The following SPIN1 variants were observed in gnomAD, a reference collection of about 807,000 sequenced individuals.
The protein encoded by SPIN1 is spindlin-1.
A neutral mutation model predicts 26.0 loss-of-function variants in SPIN1; 3 were observed. That is an observed-to-expected ratio of 0.12 (90% CI 0.05 to 0.30). The LOEUF (loss-of-function observed/expected upper bound fraction) is 0.30. SPIN1 is among the 10% of genes least tolerant of loss of function. The probability of loss-of-function intolerance (pLI) is 1.00; values close to 1 mark genes in which losing one functional copy is unlikely to be tolerated. For synonymous variants in SPIN1, 101 were observed against 116.5 expected (o/e 0.87, Z 0.86); for missense variants, 126 against 333.4 (o/e 0.38, Z 4.84).
chr9:88,397,762 C>T (rs1487504662), intron 1 of SPIN1, among the ~76,000 whole-genome samples: 1 of 151,938 alleles, frequency 6.6e-6, no homozygotes, highest in Non-Finnish European at 1.5e-5. Context: ...GCTGGGAGTA[C>T]AGGTGCGTGC....
chr9:88,472,522 C>G (rs1828809437), intron 5 of SPIN1, among the ~76,000 whole-genome samples: 1 of 151,944 alleles, frequency 6.6e-6, no homozygotes, highest in South Asian at 2.1e-4. Context: ...GAGATGGAGT[C>G]TTGCTCTGTT....
intron 4 of SPIN1, among the ~76,000 whole-genome samples, chr9:88,466,986 CT>C (rs1828682471): frequency 6.6e-6 from 1 of 152,176 alleles, no homozygotes; most frequent in Non-Finnish European, 1.5e-5. Context: ...ATTCGCCCGC[CT>C]TGGACTCCCA....
intron 1 of SPIN1, among the ~76,000 whole-genome samples, chr9:88,389,189 C>G (rs536020763): frequency 1.3e-5 from 2 of 152,186 alleles, no homozygotes; most frequent in Non-Finnish European, 2.9e-5. Context: ...AGCCCCTTTC[C>G]TGATGCGCCG....
chr9:88,463,373 T>C (rs746240274), intron 4 of SPIN1, among the ~76,000 whole-genome samples: 19 of 152,232 alleles, frequency 1.2e-4, no homozygotes, highest in African/African-American at 3.1e-4. Context: ...CAAACTAATA[T>C]TACTTTTTTT....
chr9:88,414,363 G>A (rs1169261594), intron 1 of SPIN1, among the ~76,000 whole-genome samples: 1 of 152,174 alleles, frequency 6.6e-6, no homozygotes, highest in Non-Finnish European at 1.5e-5. Flanking sequence ...CTGAGATCTT[G>A]TTAACATAAA....
chr9:88,411,071 G>C, intron 1 of SPIN1: 6 of 1,571,492 alleles, frequency 3.8e-6, no homozygotes, highest in Non-Finnish European at 5.2e-6. Flanking sequence ...AATCACTTCA[G>C]TTTTTCAGAA....
intron 1 of SPIN1, among the ~76,000 whole-genome samples, chr9:88,396,014 T>C (rs1024618980): frequency 1.3e-4 from 19 of 151,830 alleles, no homozygotes; most frequent in African/African-American, 4.4e-4. Flanking sequence ...GCCACTGCAC[T>C]CCAGCCTGGG....
chr9:88,410,462 C>G (rs1827419431), intron 1 of SPIN1: 7 of 683,786 alleles, frequency 1.0e-5, no homozygotes, highest in Middle Eastern at 3.9e-4. Flanking sequence ...ATTCACAAAT[C>G]TGTTTTAACC....
At chr9:88,392,946 G>A (rs568945302) in intron 1 of SPIN1, among the ~76,000 whole-genome samples, 2 of 152,230 alleles carry the variant, frequency 1.3e-5, no homozygotes, top group East Asian at 1.9e-4. Context: ...TAGGCAGAGG[G>A]AAACCATTGA....
At chr9:88,412,071 C>T (rs866615356) in intron 1 of SPIN1, among the ~76,000 whole-genome samples, 11 of 151,408 alleles carry the variant, frequency 7.3e-5, no homozygotes, top group African/African-American at 1.7e-4. Context: ...CCCAGCTACT[C>T]GGGAGGCTGA....
chr9:88,408,482 G>A (rs111963419), intron 1 of SPIN1, among the ~76,000 whole-genome samples: 28,446 of 147,736 alleles, frequency 0.19, 3,565 homozygotes, highest in African/African-American at 0.36. Flanking sequence ...GGTTTAAGCA[G>A]TTCTCTGCCA....
chr9:88,451,726 A>G (rs571611153), intron 3 of SPIN1, among the ~76,000 whole-genome samples: 5 of 152,118 alleles, frequency 3.3e-5, no homozygotes, highest in South Asian at 4.2e-4. Context: ...ACGCCCAGCT[A>G]ATTTTTGTAT....
chr9:88,441,532 A>G (rs889654020), intron 2 of SPIN1, among the ~76,000 whole-genome samples: 1 of 151,696 alleles, frequency 6.6e-6, no homozygotes, highest in African/African-American at 2.4e-5. Flanking sequence ...CCTAAGTGGG[A>G]GGATCACTTG....
chr9:88,440,402 G>A (rs371428822), intron 2 of SPIN1, among the ~76,000 whole-genome samples: 4 of 152,172 alleles, frequency 2.6e-5, no homozygotes, highest in African/African-American at 7.2e-5. Flanking sequence ...CAAGCGATCC[G>A]TCCACCTTAG....
chr9:88,392,006 T>C (rs946368822), intron 1 of SPIN1, among the ~76,000 whole-genome samples: 1 of 152,172 alleles, frequency 6.6e-6, no homozygotes, highest in Non-Finnish European at 1.5e-5. Flanking sequence ...GCAAAGCCTT[T>C]TAAAACCTTG....
intron 1 of SPIN1, chr9:88,411,246 T>G: frequency 8.7e-7 from 1 of 1,144,046 alleles, no homozygotes; most frequent in Non-Finnish European, 1.3e-6. Flanking sequence ...GGCCTTGCAT[T>G]CATGGCTGCA....
intron 2 of SPIN1, among the ~76,000 whole-genome samples, chr9:88,434,373 T>TTTTATAAATTATAAAATAGTTTA (rs1827954811): frequency 7.4e-6 from 1 of 134,740 alleles, no homozygotes; most frequent in African/African-American, 3.7e-5. Context: ...AAATAGTTTA[T>TTTTATAAATTATAAAATAGTTTA]TTTATAAATT....
chr9:88,411,422 C>G lies in SPIN1; in HGVS notation c.-158-14960C>G. 2.5e-6 allele frequency: 4 copies of G among 1,580,200 alleles called. No individual in the cohort carries two copies. In the South Asian group the frequency reaches 3.4e-5, roughly 13 times the overall value. Reference sequence around the variant, plus strand: ...GCTCAACCCTCCAATGAAGAGCTTCCTCAGCTGTTCGGGCTCTTTAGGAGA... The same window carrying G: ...GCTCAACCCTCCAATGAAGAGCTTCGTCAGCTGTTCGGGCTCTTTAGGAGA... On this transcript the variant is annotated intron_variant, in intron 1 of 5. Transcript: ENST00000375859.
At chr9:88,442,370 T>C (rs757829475) in intron 2 of SPIN1, among the ~76,000 whole-genome samples, 12 of 151,688 alleles carry the variant, frequency 7.9e-5, no homozygotes, top group Non-Finnish European at 1.3e-4. Context: ...TATTCCTCTG[T>C]GGTAAGGTGG....
Sources: allele counts gnomAD v4.1 joint callset (sites outside exome capture counted in the v4.1 genomes callset), GRCh38; gene constraint gnomAD v4.1.1; transcripts MANE v1.5; gene names NCBI Gene and HGNC (gene_info 2026-07-23, HGNC 2026-07-21).